Variants in ZFPM2 observed in about 807,000 individuals in gnomAD.
ZFPM2 encodes the protein zinc finger protein, FOG family member 2, also known as zinc finger protein ZFPM2.
In ZFPM2, 20 loss-of-function variants were observed where a neutral mutation model predicts 98.6. That is an observed-to-expected ratio of 0.20 (90% CI 0.14 to 0.29). The LOEUF (loss-of-function observed/expected upper bound fraction) is 0.29, where lower values mean the gene tolerates loss of function less well. Among genes scored for constraint, ZFPM2 ranks in the 10% least tolerant of loss-of-function variants. The pLI is 1.00. For synonymous variants in ZFPM2, 518 were observed against 502.7 expected, an observed-to-expected ratio of 1.03 and a Z score of -0.41; for missense variants, 1,310 against 1,388.6, an observed-to-expected ratio of 0.94 and a Z score of 0.90.
chr8:105,574,171 A>T (rs1239744982), intron 4 of ZFPM2, among the ~76,000 whole-genome samples: 10 of 152,208 alleles, frequency 6.6e-5, no homozygotes, highest in Non-Finnish European at 1.5e-4. Flanking sequence ...ATATAGCTTC[A>T]TATACGTGTA....
intron 5 of ZFPM2, among the ~76,000 whole-genome samples, chr8:105,706,582 G>A (rs1811268686): frequency 2.6e-5 from 4 of 151,920 alleles, no homozygotes; most frequent in Non-Finnish European, 5.9e-5. Flanking sequence ...CTTGTTTCTT[G>A]TTTTTGGGTT....
chr8:105,609,591 C>T (rs1816264537), intron 4 of ZFPM2, among the ~76,000 whole-genome samples: 1 of 152,144 alleles, frequency 6.6e-6, no homozygotes, highest in South Asian at 2.1e-4. Flanking sequence ...AATGTGCGTT[C>T]TTATATCACT....
intron 1 of ZFPM2, among the ~76,000 whole-genome samples, chr8:105,394,268 C>G (rs1201928976): frequency 6.6e-6 from 1 of 152,156 alleles, no homozygotes; most frequent in Non-Finnish European, 1.5e-5. Context: ...GGGAGCAAAT[C>G]AAACAGGGGC....
chr8:105,503,998 ATAGT>A (rs1813648259), intron 3 of ZFPM2, among the ~76,000 whole-genome samples: 1 of 152,060 alleles, frequency 6.6e-6, no homozygotes, highest in Admixed American at 6.6e-5. Flanking sequence ...TCCCCTGCAG[ATAGT>A]TGGTTGGAGC....
At chr8:105,692,726 T>TA (rs375839023) in intron 5 of ZFPM2, among the ~76,000 whole-genome samples, 8 of 152,236 alleles carry the variant, frequency 5.3e-5, no homozygotes, top group African/African-American at 1.9e-4. Context: ...AACAAACACA[T>TA]AAAAACAGGA....
chr8:105,659,717 A>G (rs1452155883), intron 5 of ZFPM2, among the ~76,000 whole-genome samples: 1 of 152,222 alleles, frequency 6.6e-6, no homozygotes, highest in Non-Finnish European at 1.5e-5. Flanking sequence ...TTGCCGGAAT[A>G]TAATTTTATA....
At chr8:105,559,360 C>T (rs1815075793) in intron 3 of ZFPM2, among the ~76,000 whole-genome samples, 1 of 152,104 alleles carries the variant, frequency 6.6e-6, no homozygotes, top group Admixed American at 6.6e-5. Flanking sequence ...TCATTTTCCT[C>T]ACTGCTGATC....
intron 4 of ZFPM2, among the ~76,000 whole-genome samples, chr8:105,604,390 C>A (rs35330171): frequency 0.13 from 19,081 of 151,952 alleles, 1,255 homozygotes; most frequent in South Asian, 0.21. Flanking sequence ...TTATCCTTGT[C>A]CCACAAAGAC....
At chr8:105,449,563 A>T (rs976964601) in intron 3 of ZFPM2, among the ~76,000 whole-genome samples, 2 of 152,058 alleles carry the variant, frequency 1.3e-5, no homozygotes, top group African/African-American at 4.8e-5. Context: ...TCAAATATTA[A>T]AACTTGCTGC....
chr8:105,798,699 G>A (rs763478668), intron 6 of ZFPM2, 25 bp from the exon 7 acceptor site: 26 of 1,591,282 alleles, frequency 1.6e-5, no homozygotes, highest in Non-Finnish European at 2.2e-5. Flanking sequence ...AGCAGCAAAT[G>A]TGTCTCTTGT....
chr8:105,586,703 G>A (rs139933801), intron 4 of ZFPM2, among the ~76,000 whole-genome samples: 2 of 151,864 alleles, frequency 1.3e-5, no homozygotes, highest in Admixed American at 6.6e-5. Flanking sequence ...TTACAGGCGT[G>A]AGCCACCATG....
rs137922395 is a variant in ZFPM2, at chr8:105,381,229, A to T, written c.41-37915A>T. 3.3e-5 allele frequency among the ~76,000 whole-genome samples: 5 copies of T among 151,364 alleles called. No homozygotes were observed. In the East Asian group the frequency reaches 9.9e-4, roughly 30 times the overall value. Reference sequence around the variant, plus strand: ...GCTGAGAATGATGCTTTCTAGCTTCATCCTTGTCCCTGGATGAAGGTTCAT... The same window carrying T: ...GCTGAGAATGATGCTTTCTAGCTTCTTCCTTGTCCCTGGATGAAGGTTCAT... On this transcript the variant is annotated intron_variant, in intron 1 of 7. Transcript: ENST00000407775.
chr8:105,356,925 A>G (rs749491074), intron 1 of ZFPM2, among the ~76,000 whole-genome samples: 1 of 152,188 alleles, frequency 6.6e-6, no homozygotes, highest in Non-Finnish European at 1.5e-5. Flanking sequence ...TCTAAAAACA[A>G]TTAACAGCAT....
At chr8:105,793,716 G>C (rs894651420) in intron 6 of ZFPM2, among the ~76,000 whole-genome samples, 1 of 152,062 alleles carries the variant, frequency 6.6e-6, no homozygotes, top group Non-Finnish European at 1.5e-5. Flanking sequence ...ATCACTTTCA[G>C]ATACACCAAT....
At chr8:105,725,204 C>T (rs527848934) in intron 5 of ZFPM2, among the ~76,000 whole-genome samples, 1 of 151,802 alleles carries the variant, frequency 6.6e-6, no homozygotes, top group African/African-American at 2.4e-5. Context: ...AAAATTATTC[C>T]TTTCAGTTTT....
intron 3 of ZFPM2, among the ~76,000 whole-genome samples, chr8:105,479,281 C>G (rs571926696): frequency 1.8e-4 from 27 of 152,320 alleles, no homozygotes; most frequent in African/African-American, 6.5e-4. Context: ...TTCCCGCTTA[C>G]TATCCTTCAG....
At chr8:105,733,359 A>T (rs184784599) in intron 5 of ZFPM2, among the ~76,000 whole-genome samples, 4,027 of 152,004 alleles carry the variant, frequency 0.026, 82 homozygotes, top group Non-Finnish European at 0.041. Context: ...TTTAAAAAAA[A>T]TTACTCATTT....
intron 1 of ZFPM2, among the ~76,000 whole-genome samples, chr8:105,396,993 TACTC>T (rs1811233003): frequency 6.6e-6 from 1 of 152,208 alleles, no homozygotes; most frequent in African/African-American, 2.4e-5. Flanking sequence ...AATTACATAT[TACTC>T]AAGAAATAAC....
intron 1 of ZFPM2, among the ~76,000 whole-genome samples, chr8:105,320,194 A>G (rs1332001511): frequency 6.6e-6 from 1 of 151,664 alleles, no homozygotes; most frequent in African/African-American, 2.4e-5. Flanking sequence ...CTTATCAATC[A>G]ACTTGTCCTT....
Sources: gnomAD v4.1 joint callset for allele counts (sites outside exome capture counted in the v4.1 genomes callset) on GRCh38, gnomAD v4.1.1 for gene constraint, MANE v1.5 for transcripts, NCBI Gene and HGNC (gene_info 2026-07-23, HGNC 2026-07-21) for gene names.